Variants in GMPS observed in about 807,000 individuals in gnomAD.
GMPS encodes guanosine monophosphate synthase, also known as GMP synthase [glutamine-hydrolyzing].
Under a neutral mutation model 77.9 loss-of-function variants are expected in GMPS, and 15 were observed. The observed-to-expected ratio is 0.19, with a 90% CI of 0.13 to 0.30. The LOEUF (loss-of-function observed/expected upper bound fraction) is 0.30. Ranked by LOEUF, GMPS falls within the 10% of genes least tolerant of loss-of-function variation. The pLI, the probability that GMPS is intolerant of heterozygous loss-of-function variation, is 1.00. For missense variants in GMPS, 590 were observed against 838.8 expected (o/e 0.70, Z 3.66); for synonymous variants, 224 against 275.9 (o/e 0.81, Z 1.86).
In GMPS at chr3:155,939,373, A is replaced by G. The variant is rs1755836482; in HGVS notation, c.*1681A>G. The G allele has an allele frequency of 4.8e-6, 1 of 208,398 alleles. No homozygotes were observed. The highest frequency in any genetic ancestry group is 7.3e-5 in the East Asian group (1 of 13,682). The allele number at this position is 208,398 out of a possible 1,614,324, so 12.9% of individuals were successfully genotyped here. On this transcript the variant is annotated 3_prime_UTR_variant, in exon 16 of 16. Transcript: ENST00000496455. The stretch of plus-strand genomic sequence containing the variant: ...TATATGAAAAAAAATTTCTAGCCAC[A>G]GTGTCTTATGATTTTGTATTGAAGC...
chr3:155,879,406 T>A (rs931983752), intron 1 of GMPS, among the ~76,000 whole-genome samples: 1 of 151,894 alleles, frequency 6.6e-6, no homozygotes, highest in Non-Finnish European at 1.5e-5. Flanking sequence ...TAGCTGGGAT[T>A]ACAGGCATGC....
In GMPS at chr3:155,936,502, C is replaced by A; in HGVS notation, c.1972C>A (p.Pro658Thr). 1 of 1,585,522 alleles carries A rather than the reference C, an allele frequency of 6.3e-7. No individual in the cohort carries two copies. Among genetic ancestry groups the A allele is most frequent in the Non-Finnish European group, 8.7e-7 (1 of 1,154,974 alleles). Residue 658 changes from proline (P) to threonine (T), a missense_variant, in exon 15 of 16, where the codon CCT becomes ACT. Around this residue, in one of 6 missense-constraint regions of GMPS, gnomAD observed 73 missense variants for 170.5 expected, o/e 0.43. Transcript: ENST00000496455. The part of the protein sequence containing the change: ...GIPATPGNEI[P>T]VEVVLKMVTE... ...ACCTGCAACACCTGGCAATGAGATC[C>A]CTGTAGAGGTAATTTATATATTTTT...
At chr3:155,931,627 C>A in intron 12 of GMPS, 138 bp from the exon 13 acceptor site, 2 of 468,112 alleles carry the variant, frequency 4.3e-6, no homozygotes, top group Non-Finnish European at 7.5e-6. Flanking sequence ...TCCAAAAATC[C>A]ATTAATAATG....
Position 155,916,091 on chromosome 3 carries a change from C to A in GMPS, c.1111C>A (p.Pro371Thr), listed in dbSNP as rs368021083. 2.5e-6 allele frequency: 4 copies of A among 1,612,652 alleles called. No homozygotes were observed. The African/African-American group carries it at 5.3e-5, about 22-fold the overall frequency. ...TTTCCTTGCCCAAGGTACTTTACGGCCTGATCTAATTGAAAGTGCATCCCT... is the reference window on the plus strand; with the variant it reads ...TTTCCTTGCCCAAGGTACTTTACGGACTGATCTAATTGAAAGTGCATCCCT... Reference protein sequence around the residue: ...EVFLAQGTLRPDLIESASLVA... With the variant: ...EVFLAQGTLRTDLIESASLVA... Residue 371 changes from proline to threonine, a missense_variant, in exon 9 of 16, where the codon CCT becomes ACT. Physicochemically the swap from Pro to Thr is conservative, Grantham distance 38 (BLOSUM62 -1). Coordinates refer to ENST00000496455, the MANE Select transcript of GMPS (RefSeq NM_003875.3).
intron 7 of GMPS, among the ~76,000 whole-genome samples, chr3:155,913,359 A>G (rs867164856): frequency 2.6e-5 from 4 of 152,114 alleles, no homozygotes; most frequent in African/African-American, 7.2e-5. Flanking sequence ...TGTTAAATGT[A>G]TGTTCATAAA....
intron 1 of GMPS, among the ~76,000 whole-genome samples, chr3:155,882,850 T>C (rs1442657950): frequency 1.3e-5 from 2 of 152,250 alleles, no homozygotes; most frequent in African/African-American, 4.8e-5. Context: ...GCTTGATTCA[T>C]TCTCATTATT....
chr3:155,902,202 C>T (rs1319500888), intron 3 of GMPS, among the ~76,000 whole-genome samples: 1 of 152,060 alleles, frequency 6.6e-6, no homozygotes, highest in Non-Finnish European at 1.5e-5. Context: ...AGAACATAGT[C>T]TATTTTGATA....
intron 1 of GMPS, among the ~76,000 whole-genome samples, chr3:155,887,770 G>A (rs1754370008): frequency 6.6e-6 from 1 of 152,086 alleles, no homozygotes; most frequent in African/African-American, 2.4e-5. Context: ...TTGGGGGAGT[G>A]AAAGGTATAC....
chr3:155,934,955 T>TA lies in GMPS; in HGVS notation c.1717dup (p.Thr573AsnfsTer20), dbSNP rs1204663210. The TA allele has an allele frequency of 6.3e-7, 1 of 1,579,210 alleles. No individual in the cohort carries two copies. Among genetic ancestry groups the TA allele is most frequent in the Non-Finnish European group, 8.7e-7 (1 of 1,149,156 alleles). On this transcript the variant is annotated frameshift_variant, in exon 14 of 16. Coordinates refer to ENST00000496455, the MANE Select transcript of GMPS (RefSeq NM_003875.3). LOFTEE classifies it high-confidence loss of function. ...TTGGCCCACCAGTTAAAGAACCTCC[T>TA]ACAGATGTTACTCCCACTTTCTTGA...
chr3:155,938,977 A>G lies in GMPS; in HGVS notation c.*1285A>G. 4.6e-6 allele frequency: 1 copy of G among 218,496 alleles called. No individual in the cohort carries two copies. 13.5% of individuals were successfully genotyped at this position (218,496 alleles called of 1,614,324 possible). A position where few individuals can be genotyped will look rare whatever the true frequency, so the allele number is the denominator to read the frequency against. ...GTTGCTGCTGCTTGTCTAGTTTAAA[A>G]GGTCAGATCTATTAATCAGGAATGA... On this transcript the variant is annotated 3_prime_UTR_variant, in exon 16 of 16. Transcript: ENST00000496455.
intron 7 of GMPS, among the ~76,000 whole-genome samples, chr3:155,913,979 C>T (rs1411379765): frequency 1.3e-5 from 2 of 151,550 alleles, no homozygotes; most frequent in African/African-American, 4.8e-5. Context: ...TGGAGTCTCT[C>T]TCTGTCACCC....
intron 1 of GMPS, among the ~76,000 whole-genome samples, chr3:155,878,653 C>G (rs1754119963): frequency 6.6e-6 from 1 of 152,098 alleles, no homozygotes; most frequent in Non-Finnish European, 1.5e-5. Context: ...TCCAGAAAAA[C>G]AGTAGGCTAT....
At chr3:155,870,629 G>A (rs901759111), upstream of GMPS, 1 of 464,560 alleles carries the variant, frequency 2.2e-6, no homozygotes, top group African/African-American at 2.0e-5. Flanking sequence ...GCCGGCCGGG[G>A]CGGAAGCAGG....
At chr3:155,932,664 TAAC>T (rs1379216814) in intron 13 of GMPS, among the ~76,000 whole-genome samples, 8 of 152,126 alleles carry the variant, frequency 5.3e-5, no homozygotes, top group Non-Finnish European at 1.0e-4. Context: ...GTTAGGCAGT[TAAC>T]AACCAAAAAG....
At chr3:155,906,042 C>CT (rs67122310) in intron 4 of GMPS, 118 bp from the exon 5 acceptor site, 104,011 of 420,014 alleles carry the variant, frequency 0.25, 4,810 homozygotes, top group Non-Finnish European at 0.26. Flanking sequence ...TCCATTGTCA[C>CT]TTTTTTTTTT....
At position 155,934,904 on chromosome 3, in the gene GMPS, CTT is replaced by C. The variant is rs2108150343; in HGVS notation, c.1677-10_1677-9del. On this transcript the variant is annotated splice_polypyrimidine_tract_variant and intron_variant, in intron 13 of 15. Transcript: ENST00000496455. ...TGTAATTGCTGTATTATTTTTACCT[CTT>C]TGTTTCCAGAGTTGTTTATATATTT... 2 of 1,535,958 alleles carry C rather than the reference CTT, an allele frequency of 1.3e-6. No homozygotes were observed. The highest frequency in any genetic ancestry group is 4.5e-5 in the East Asian group (2 of 44,546).
chr3:155,936,564 A>T, intron 15 of GMPS, 54 bp downstream of exon 15: 1 of 983,036 alleles, frequency 1.0e-6, no homozygotes, highest in East Asian at 2.4e-5. Flanking sequence ...TACATTTTAT[A>T]ATATGGTGAA....
Position 155,942,486 on chromosome 3 carries a change from C to G in GMPS, c.*4794C>G, listed in dbSNP as rs1424327314. 2 of 224,980 alleles carry G rather than the reference C, an allele frequency of 8.9e-6. No individual in the cohort carries two copies. The highest frequency in any genetic ancestry group is 2.2e-5 in the African/African-American group (1 of 44,818). The allele number at this position is 224,980 out of a possible 1,614,324, so 13.9% of individuals were successfully genotyped here. A position where few individuals can be genotyped will look rare whatever the true frequency, so the allele number is the denominator to read the frequency against. ...ACTCATAGGTGAATCTTTGTCAAAC[C>G]TATAGGAGAGAGATGCAGGCCATAG... On this transcript the variant is annotated 3_prime_UTR_variant, in exon 16 of 16. Transcript: ENST00000496455.
chr3:155,919,438 A>G, intron 10 of GMPS, 100 bp downstream of exon 10: 2 of 632,858 alleles, frequency 3.2e-6, no homozygotes, highest in Non-Finnish European at 5.7e-6. Flanking sequence ...ATCTCAGGGA[A>G]TATGTAACAT....
Sources: gnomAD v4.1 joint callset for allele counts (sites outside exome capture counted in the v4.1 genomes callset) on GRCh38, gnomAD v4.1.1 for gene constraint, gnomAD v4.1.1 regional missense constraint, MANE v1.5 for transcripts, NCBI Gene and HGNC (gene_info 2026-07-23, HGNC 2026-07-21) for gene names.